Variants in KLHL1 observed in about 807,000 individuals in gnomAD.
KLHL1 encodes kelch-like protein 1.
In KLHL1, 47 loss-of-function variants were observed where a neutral mutation model predicts 77.7. The observed-to-expected ratio is 0.60, with a 90% CI of 0.48 to 0.77. KLHL1 has a LOEUF of 0.77. Ranked by LOEUF, KLHL1 falls within the 30% of genes least tolerant of loss-of-function variation. KLHL1 has a pLI of 0.00. For synonymous variants in KLHL1, 360 were observed against 325.2 expected (o/e 1.11, Z -1.15); for missense variants, 925 against 910.8 (o/e 1.02, Z -0.20).
intron 1 of KLHL1, among the ~76,000 whole-genome samples, chr13:70,080,722 G>C (rs1176827296): frequency 5.3e-5 from 8 of 151,726 alleles, no homozygotes; most frequent in African/African-American, 1.9e-4. Context: ...TCAGCCTCCC[G>C]AGTAGCTGGG....
chr13:69,927,851 A>G (rs1409073319), intron 4 of KLHL1, among the ~76,000 whole-genome samples: 2 of 152,216 alleles, frequency 1.3e-5, no homozygotes, highest in African/African-American at 4.8e-5. Flanking sequence ...AATGTTAAAC[A>G]TGGAGTTATT....
chr13:69,703,015 A>G (rs1875468545), intron 10 of KLHL1, among the ~76,000 whole-genome samples: 1 of 151,648 alleles, frequency 6.6e-6, no homozygotes, highest in African/African-American at 2.4e-5. Flanking sequence ...TGACTCCAAA[A>G]TGCATGTACT....
At chr13:69,993,187 A>G (rs1025928596) in intron 1 of KLHL1, among the ~76,000 whole-genome samples, 2 of 152,214 alleles carry the variant, frequency 1.3e-5, no homozygotes, top group South Asian at 2.1e-4. Context: ...ACCAGAACCA[A>G]TGAATGAGAT....
At chr13:69,769,287 A>G (rs1034583726) in intron 7 of KLHL1, among the ~76,000 whole-genome samples, 1 of 152,234 alleles carries the variant, frequency 6.6e-6, no homozygotes, top group Non-Finnish European at 1.5e-5. Flanking sequence ...AGTAGGTTAT[A>G]AAACTGCTTT....
chr13:69,887,256 T>G (rs1165384635), intron 4 of KLHL1, among the ~76,000 whole-genome samples: 4 of 152,192 alleles, frequency 2.6e-5, no homozygotes, highest in African/African-American at 9.7e-5. Flanking sequence ...TCCTGTTATG[T>G]TATGTACTAG....
chr13:70,047,409 G>A (rs1421167539), intron 1 of KLHL1, among the ~76,000 whole-genome samples: 1 of 151,892 alleles, frequency 6.6e-6, no homozygotes, highest in African/African-American at 2.4e-5. Flanking sequence ...TTGTGTGTGT[G>A]TGTGTGTGTG....
intron 1 of KLHL1, among the ~76,000 whole-genome samples, chr13:70,046,953 T>C (rs971727427): frequency 6.6e-6 from 1 of 152,204 alleles, no homozygotes; most frequent in Non-Finnish European, 1.5e-5. Flanking sequence ...ATAGGTTACA[T>C]GGACTGCTTT....
intron 5 of KLHL1, among the ~76,000 whole-genome samples, chr13:69,861,658 A>G (rs540338918): frequency 5.9e-5 from 9 of 151,894 alleles, no homozygotes; most frequent in African/African-American, 2.2e-4. Flanking sequence ...AGACAAGAAA[A>G]ATAAAAGCAA....
At chr13:69,811,039 C>A (rs1188603188) in intron 6 of KLHL1, among the ~76,000 whole-genome samples, 1 of 150,874 alleles carries the variant, frequency 6.6e-6, no homozygotes. Flanking sequence ...TTCTATCAGA[C>A]ATACAAAGAA....
chr13:69,717,757 T>G (rs1053867029), intron 9 of KLHL1, among the ~76,000 whole-genome samples: 1 of 105,548 alleles, frequency 9.5e-6, no homozygotes. Context: ...TGTCAGTCTA[T>G]TAGCAGCATT....
chr13:69,875,248 TA>T (rs572671584), intron 5 of KLHL1, among the ~76,000 whole-genome samples: 2 of 151,998 alleles, frequency 1.3e-5, no homozygotes, highest in East Asian at 1.9e-4. Context: ...TTAATAATTA[TA>T]AAAAATAACT....
intron 1 of KLHL1, among the ~76,000 whole-genome samples, chr13:70,090,811 C>T (rs1887653850): frequency 6.6e-6 from 1 of 152,044 alleles, no homozygotes; most frequent in Non-Finnish European, 1.5e-5. Flanking sequence ...ATACAACTTT[C>T]GACTGTAGCT....
At chr13:69,866,186 T>C (rs1352976890) in intron 5 of KLHL1, among the ~76,000 whole-genome samples, 1 of 152,064 alleles carries the variant, frequency 6.6e-6, no homozygotes, top group Non-Finnish European at 1.5e-5. Context: ...AATTGAGAAG[T>C]TGTTTAATGG....
At chr13:69,864,897 T>C (rs542330614) in intron 5 of KLHL1, among the ~76,000 whole-genome samples, 1 of 152,180 alleles carries the variant, frequency 6.6e-6, no homozygotes, top group East Asian at 1.9e-4. Flanking sequence ...AGAGCACCAG[T>C]AGTAGACAAG....
At chr13:69,954,354 G>T (rs1203647237) in intron 3 of KLHL1, among the ~76,000 whole-genome samples, 1 of 151,270 alleles carries the variant, frequency 6.6e-6, no homozygotes, top group Non-Finnish European at 1.5e-5. Context: ...TATGATTAAA[G>T]TAGGAAAATA....
At chr13:69,780,747 T>TATATATACAC (rs1555267698) in intron 7 of KLHL1, among the ~76,000 whole-genome samples, 1 of 95,672 alleles carries the variant, frequency 1.0e-5, no homozygotes, top group Non-Finnish European at 2.1e-5. Flanking sequence ...TATATATACA[T>TATATATACAC]ATATATATAT....
intron 6 of KLHL1, among the ~76,000 whole-genome samples, chr13:69,800,484 A>G (rs1042347309): frequency 2.0e-5 from 3 of 152,188 alleles, no homozygotes; most frequent in Non-Finnish European, 4.4e-5. Flanking sequence ...AGGATATTTT[A>G]TGTTTGTAGA....
At chr13:70,054,077 C>T (rs905370787) in intron 1 of KLHL1, among the ~76,000 whole-genome samples, 1 of 152,088 alleles carries the variant, frequency 6.6e-6, no homozygotes, top group Non-Finnish European at 1.5e-5. Flanking sequence ...TCCTCTGTCA[C>T]TTTGCTCAGT....
intron 4 of KLHL1, among the ~76,000 whole-genome samples, chr13:69,916,367 C>T (rs1427923289): frequency 4.7e-5 from 7 of 148,960 alleles, no homozygotes; most frequent in Non-Finnish European, 8.9e-5. Context: ...TAGACTGGAT[C>T]AAGAAAATGT....
Sources: allele counts gnomAD v4.1 joint callset (sites outside exome capture counted in the v4.1 genomes callset), GRCh38; gene constraint gnomAD v4.1.1; transcripts MANE v1.5; gene names NCBI Gene and HGNC (gene_info 2026-07-23, HGNC 2026-07-21).